Variants in PHF24 observed in about 807,000 individuals in gnomAD.
PHF24 encodes the protein PHD finger protein 24, also known as Galpha inhibitory interacting protein.
In PHF24, 25 loss-of-function variants were observed where a neutral mutation model predicts 42.6. The ratio of observed to expected loss-of-function variants is 0.59; its 90% CI spans 0.43 to 0.82. The LOEUF (loss-of-function observed/expected upper bound fraction) is 0.82. PHF24 is among the 40% of genes least tolerant of loss of function. PHF24 has a pLI of 0.00. For synonymous variants in PHF24, 185 were observed against 204.8 expected (o/e 0.90, Z 0.83); for missense variants, 470 against 538.1 (o/e 0.87, Z 1.25).
chr9:34,808,537 G>A, the PHF24 span, among the ~76,000 whole-genome samples: 3 of 152,136 alleles, frequency 2.0e-5, no homozygotes, highest in Non-Finnish European at 4.4e-5. Flanking sequence ...CACAGACTAG[G>A]TGATTTATAA....
At chr9:34,909,272 A>G in the PHF24 span, among the ~76,000 whole-genome samples, 177 of 152,116 alleles carry the variant, frequency 1.2e-3, no homozygotes, top group Non-Finnish European at 2.1e-3. Context: ...CTCTTCCCTT[A>G]TCTTATCTTT....
chr9:34,949,023 T>A, the PHF24 span, among the ~76,000 whole-genome samples: 1 of 152,164 alleles, frequency 6.6e-6, no homozygotes. Flanking sequence ...TAATAACAGA[T>A]GCTAAAGCAT....
chr9:34,923,006 G>C, the PHF24 span: 11 of 725,454 alleles, frequency 1.5e-5, no homozygotes, highest in Non-Finnish European at 2.3e-5. Flanking sequence ...GGCCGGGCCT[G>C]GGCTCCGGCC....
At chr9:34,889,814 G>A in the PHF24 span, among the ~76,000 whole-genome samples, 1 of 152,080 alleles carries the variant, frequency 6.6e-6, no homozygotes, top group Non-Finnish European at 1.5e-5. Flanking sequence ...TTCAAATACT[G>A]TACTTGCAAA....
At chr9:34,681,706 G>A in the PHF24 span, among the ~76,000 whole-genome samples, 1 of 152,310 alleles carries the variant, frequency 6.6e-6, no homozygotes, top group East Asian at 1.9e-4. Context: ...AGCTACTTGG[G>A]AGGCTGAGGC....
chr9:34,869,345 G>A, the PHF24 span, among the ~76,000 whole-genome samples: 1 of 152,212 alleles, frequency 6.6e-6, no homozygotes, highest in South Asian at 2.1e-4. Context: ...CTTCTATAAT[G>A]GTTGAACTAA....
the PHF24 span, among the ~76,000 whole-genome samples, chr9:34,796,000 A>C: frequency 1.3e-5 from 2 of 152,072 alleles, no homozygotes; most frequent in Admixed American, 6.6e-5. Context: ...ACCCTGAAAA[A>C]AAAAAGAAAG....
chr9:34,821,771 A>G, the PHF24 span, among the ~76,000 whole-genome samples: 4 of 152,210 alleles, frequency 2.6e-5, no homozygotes, highest in South Asian at 8.3e-4. Flanking sequence ...GGTCCTTCCT[A>G]GTCTTATCTC....
At chr9:34,785,772 C>T in the PHF24 span, among the ~76,000 whole-genome samples, 2 of 152,262 alleles carry the variant, frequency 1.3e-5, no homozygotes, top group African/African-American at 2.4e-5. Context: ...AATGTGCTTC[C>T]TTTTACTTTG....
the PHF24 span, among the ~76,000 whole-genome samples, chr9:34,815,427 A>C: frequency 1.3e-5 from 2 of 152,040 alleles, no homozygotes; most frequent in African/African-American, 2.4e-5. Flanking sequence ...GGTTCACACC[A>C]TTCTCCTGCC....
the PHF24 span, among the ~76,000 whole-genome samples, chr9:34,892,372 T>G: frequency 6.6e-6 from 1 of 152,202 alleles, no homozygotes; most frequent in Non-Finnish European, 1.5e-5. Context: ...AGAGATAGCA[T>G]TCAGAGTGAA....
At position 34,971,432 on chromosome 9, in the gene PHF24, G is replaced by A. The variant is rs775490664; in HGVS notation, c.134G>A (p.Arg45His). 67 of 1,614,052 alleles carry A rather than the reference G, an allele frequency of 4.2e-5. No homozygotes were observed. Among genetic ancestry groups the A allele is most frequent in the Admixed American group, 2.8e-4 (17 of 60,004 alleles). Residue 45 changes from arginine to histidine, a missense_variant, in exon 2 of 8, where the codon CGT becomes CAT. By Grantham distance (29) the Arg-to-His change is conservative. Transcript: ENST00000242315. The stretch of plus-strand genomic sequence containing the variant: ...ACAGGTGAGCTGCCAGGGTCCCGCC[G>A]TGGCACTGTAGAGGGCTCCGTCCAG...
the PHF24 span, among the ~76,000 whole-genome samples, chr9:34,925,520 A>C: frequency 6.6e-6 from 1 of 152,178 alleles, no homozygotes; most frequent in South Asian, 2.1e-4. Flanking sequence ...TGTGCCAAAA[A>C]TTTAGTAGGC....
the PHF24 span, among the ~76,000 whole-genome samples, chr9:34,947,303 T>C: frequency 5.3e-5 from 8 of 152,242 alleles, no homozygotes; most frequent in Admixed American, 1.3e-4. Context: ...AAAATTATAA[T>C]GAAGCTGAAA....
the PHF24 span, chr9:34,727,938 CT>C: frequency 7.8e-7 from 1 of 1,274,456 alleles, no homozygotes; most frequent in South Asian, 1.4e-5. Context: ...CATTATCTTT[CT>C]CCTTAGTCCT....
chr9:34,804,189 A>G, the PHF24 span, among the ~76,000 whole-genome samples: 3,669 of 152,178 alleles, frequency 0.024, 139 homozygotes, highest in African/African-American at 0.082. Flanking sequence ...TATCCTCTCA[A>G]ATTTGTTTGA....
chr9:34,897,850 A>G, the PHF24 span, among the ~76,000 whole-genome samples: 7 of 152,288 alleles, frequency 4.6e-5, no homozygotes, highest in South Asian at 1.2e-3. Context: ...TCAAGTCCCC[A>G]AAGTCCATTG....
chr9:34,744,924 C>A, the PHF24 span, among the ~76,000 whole-genome samples: 2 of 152,004 alleles, frequency 1.3e-5, no homozygotes, highest in South Asian at 4.1e-4. Flanking sequence ...TCTGCTCCAC[C>A]AGCCAGACAG....
At chr9:34,845,770 C>A in the PHF24 span, among the ~76,000 whole-genome samples, 18 of 122,114 alleles carry the variant, frequency 1.5e-4, no homozygotes, top group African/African-American at 5.7e-4. Flanking sequence ...CCACAACAGT[C>A]CCCAGAGTGT....
Sources: gnomAD v4.1 joint callset for allele counts (sites outside exome capture counted in the v4.1 genomes callset) on GRCh38, gnomAD v4.1.1 for gene constraint, MANE v1.5 for transcripts, NCBI Gene and HGNC (gene_info 2026-07-23, HGNC 2026-07-21) for gene names.